TMEM117: variants seen among roughly 807,000 people sequenced by gnomAD.
The protein encoded by TMEM117 is transmembrane protein 117.
In TMEM117, 27 loss-of-function variants were observed where a neutral mutation model predicts 52.4. The observed-to-expected ratio is 0.51, with a 90% confidence interval of 0.38 to 0.71. The LOEUF (loss-of-function observed/expected upper bound fraction) is 0.71. Ranked by LOEUF, TMEM117 falls within the 30% of genes least tolerant of loss-of-function variation. The probability of loss-of-function intolerance (pLI) is 0.00; values close to 1 mark genes in which losing one functional copy is unlikely to be tolerated. For missense variants in TMEM117, 556 were observed against 630.5 expected, an observed-to-expected ratio of 0.88 and a Z score of 1.26; for synonymous variants, 215 against 206.3, an observed-to-expected ratio of 1.04 and a Z score of -0.36.
intron 3 of TMEM117, among the ~76,000 whole-genome samples, chr12:43,988,679 A>G (rs1945887828): frequency 6.6e-6 from 1 of 152,062 alleles, no homozygotes; most frequent in African/African-American, 2.4e-5. Context: ...TGGGTGATGG[A>G]TACCCTAAAA....
intron 3 of TMEM117, among the ~76,000 whole-genome samples, chr12:44,058,737 A>C (rs1947094672): frequency 6.6e-6 from 1 of 152,202 alleles, no homozygotes; most frequent in Non-Finnish European, 1.5e-5. Flanking sequence ...CTATAGACTC[A>C]TGGATTTTGC....
At chr12:44,229,277 G>A (rs1949903786) in intron 5 of TMEM117, among the ~76,000 whole-genome samples, 1 of 152,062 alleles carries the variant, frequency 6.6e-6, no homozygotes, top group Non-Finnish European at 1.5e-5. Context: ...GAAATGGGGA[G>A]AAATGTTTGA....
chr12:43,961,592 A>G (rs1042142019), intron 3 of TMEM117, among the ~76,000 whole-genome samples: 2 of 152,204 alleles, frequency 1.3e-5, no homozygotes, highest in African/African-American at 4.8e-5. Flanking sequence ...AAATATTAAA[A>G]TCTATAATAT....
chr12:44,076,787 T>C (rs964153280), intron 3 of TMEM117, among the ~76,000 whole-genome samples: 1 of 152,144 alleles, frequency 6.6e-6, no homozygotes, highest in Non-Finnish European at 1.5e-5. Context: ...TAGTAGATAA[T>C]GAACTAATGG....
At chr12:43,933,203 C>G (rs981657286) in intron 2 of TMEM117, among the ~76,000 whole-genome samples, 1 of 142,460 alleles carries the variant, frequency 7.0e-6, no homozygotes, top group Non-Finnish European at 1.5e-5. Flanking sequence ...GTAATATTAA[C>G]TTTTTTTTTT....
intron 2 of TMEM117, among the ~76,000 whole-genome samples, chr12:43,941,332 T>C (rs1373893978): frequency 6.6e-6 from 1 of 152,210 alleles, no homozygotes; most frequent in East Asian, 1.9e-4. Context: ...CTGGGACCTA[T>C]AGACCTGTAG....
chr12:44,051,493 G>C (rs770364595), intron 3 of TMEM117, among the ~76,000 whole-genome samples: 4 of 152,046 alleles, frequency 2.6e-5, no homozygotes, highest in Non-Finnish European at 5.9e-5. Context: ...TGTGAAACTA[G>C]GTTCTGACAA....
intron 3 of TMEM117, among the ~76,000 whole-genome samples, chr12:44,006,928 T>C (rs1036011618): frequency 3.9e-5 from 6 of 152,232 alleles, no homozygotes; most frequent in African/African-American, 1.4e-4. Context: ...TCATCACTTC[T>C]AAGGTCAAGT....
intron 5 of TMEM117, among the ~76,000 whole-genome samples, chr12:44,236,220 ATT>A (rs1949995034): frequency 6.6e-6 from 1 of 151,524 alleles, no homozygotes; most frequent in South Asian, 2.1e-4. Context: ...CCATTGTGCC[ATT>A]CTCTTCCACT....
At chr12:43,827,455 G>A in the TMEM117 span, among the ~76,000 whole-genome samples, 1 of 152,066 alleles carries the variant, frequency 6.6e-6, no homozygotes, top group Non-Finnish European at 1.5e-5. Context: ...GGCATTCAGA[G>A]GCCTAACATA....
At chr12:43,858,048 G>T (rs996463371) in intron 2 of TMEM117, among the ~76,000 whole-genome samples, 3 of 152,200 alleles carry the variant, frequency 2.0e-5, no homozygotes, top group African/African-American at 7.2e-5. Flanking sequence ...CCAAAGACAG[G>T]CTTTAGTTGT....
intron 5 of TMEM117, among the ~76,000 whole-genome samples, chr12:44,297,978 C>T (rs2138636620): frequency 6.6e-6 from 1 of 151,756 alleles, no homozygotes; most frequent in East Asian, 1.9e-4. Context: ...TTTTAGAGGT[C>T]GTGAGTCAAA....
intron 5 of TMEM117, among the ~76,000 whole-genome samples, chr12:44,229,621 T>A (rs1949908375): frequency 6.6e-6 from 1 of 152,138 alleles, no homozygotes; most frequent in Non-Finnish European, 1.5e-5. Flanking sequence ...AACCATCTTT[T>A]GACTTCTTCT....
Position 44,099,267 on chromosome 12 carries a change from T to A in TMEM117, c.411-44258T>A, listed in dbSNP as rs1015560563. On this transcript the variant is annotated intron_variant, in intron 3 of 7. Coordinates refer to ENST00000266534, the MANE Select transcript of TMEM117 (RefSeq NM_032256.3). Reference sequence around the variant, plus strand: ...CAGCATTTTTGTTTTTTAATTTTTTTAAAAAATAATTATTCCATACAAAAT... The same window carrying A: ...CAGCATTTTTGTTTTTTAATTTTTTAAAAAAATAATTATTCCATACAAAAT... 3.6e-4 allele frequency among the ~76,000 whole-genome samples: 54 copies of A among 150,220 alleles called. 1 individual carries two copies. The highest frequency in any genetic ancestry group is 5.8e-4 in the East Asian group (3 of 5,170).
chr12:43,899,404 G>T (rs570415057), intron 2 of TMEM117, among the ~76,000 whole-genome samples: 1 of 152,252 alleles, frequency 6.6e-6, no homozygotes, highest in African/African-American at 2.4e-5. Context: ...TTAGTATGTG[G>T]TTGGGGGTTT....
intron 4 of TMEM117, among the ~76,000 whole-genome samples, chr12:44,210,470 T>A (rs1396550056): frequency 6.6e-6 from 1 of 152,186 alleles, no homozygotes; most frequent in Admixed American, 6.6e-5. Context: ...TTAATTTATT[T>A]TATCATTTCT....
chr12:43,851,617 A>C (rs1043969357), intron 2 of TMEM117, among the ~76,000 whole-genome samples: 3 of 152,232 alleles, frequency 2.0e-5, no homozygotes, highest in African/African-American at 7.2e-5. Context: ...TATTCAAGAA[A>C]TAATTTTTAT....
chr12:44,072,172 A>G (rs1947311733), intron 3 of TMEM117, among the ~76,000 whole-genome samples: 1 of 152,134 alleles, frequency 6.6e-6, no homozygotes, highest in Non-Finnish European at 1.5e-5. Flanking sequence ...GGAGATATTG[A>G]AAAACCACAG....
At chr12:44,290,210 A>T (rs1013195653) in intron 5 of TMEM117, among the ~76,000 whole-genome samples, 2 of 152,084 alleles carry the variant, frequency 1.3e-5, no homozygotes, top group African/African-American at 4.8e-5. Context: ...TTTGCAGTAC[A>T]TAAGTTTCTT....
Sources: allele counts gnomAD v4.1 joint callset (sites outside exome capture counted in the v4.1 genomes callset), GRCh38; gene constraint gnomAD v4.1.1; transcripts MANE v1.5; gene names NCBI Gene and HGNC (gene_info 2026-07-23, HGNC 2026-07-21).